The following KCNH7 variants were observed in gnomAD, a reference collection of about 807,000 sequenced individuals.
The protein encoded by KCNH7 is voltage-gated inwardly rectifying potassium channel KCNH7.
A neutral mutation model predicts 120.8 loss-of-function variants in KCNH7; 49 were observed. That is an observed-to-expected ratio of 0.41 (90% CI 0.32 to 0.51). KCNH7 has a LOEUF of 0.51. Ranked by LOEUF, KCNH7 falls within the 20% of genes least tolerant of loss-of-function variation. KCNH7 has a pLI of 0.38. For synonymous variants in KCNH7, 547 were observed against 516.1 expected (o/e 1.06, Z -0.81); for missense variants, 1,097 against 1,446.6 (o/e 0.76, Z 3.92).
chr2:162,817,738 T>G (rs536544434), intron 2 of KCNH7, among the ~76,000 whole-genome samples: 2 of 152,262 alleles, frequency 1.3e-5, no homozygotes, highest in South Asian at 2.1e-4. Context: ...CTCAGTCTTT[T>G]CAATTTTACC....
chr2:162,824,960 T>C (rs1259000724), intron 2 of KCNH7, among the ~76,000 whole-genome samples: 2 of 152,020 alleles, frequency 1.3e-5, no homozygotes, highest in Non-Finnish European at 2.9e-5. Context: ...TTCATTATGG[T>C]ATATTTAGAT....
At chr2:162,568,878 G>A (rs1381100364) in intron 2 of KCNH7, among the ~76,000 whole-genome samples, 1 of 151,750 alleles carries the variant, frequency 6.6e-6, no homozygotes, top group Non-Finnish European at 1.5e-5. Context: ...GTAAAAAATG[G>A]TCATGGTGGA....
intron 7 of KCNH7, among the ~76,000 whole-genome samples, 167 bp from the exon 8 acceptor site, chr2:162,435,764 T>C (rs1365899063): frequency 6.6e-6 from 1 of 152,124 alleles, no homozygotes; most frequent in Non-Finnish European, 1.5e-5. Flanking sequence ...ATGTGATACC[T>C]GCTTTGGAAA....
chr2:162,669,724 G>C (rs1377170884), intron 2 of KCNH7, among the ~76,000 whole-genome samples: 1 of 152,172 alleles, frequency 6.6e-6, no homozygotes, highest in Non-Finnish European at 1.5e-5. Context: ...TAAACATCCT[G>C]TATTGCATAG....
In KCNH7 at chr2:162,819,034, A is replaced by G. The variant is rs115194165; in HGVS notation, c.307+17503T>C. On this transcript the variant is annotated intron_variant, in intron 2 of 15. Transcript: ENST00000332142. ...TACAAAACAATGAACCTGTACCCTT[A>G]AAGAATATCAATGTCATGAAAGACA... Among the ~76,000 whole-genome samples, 1,094 of 152,314 alleles carry G rather than the reference A, an allele frequency of 7.2e-3. 2 individuals are homozygous for G. The highest frequency in any genetic ancestry group is 0.011 in the Non-Finnish European group (773 of 68,006).
intron 2 of KCNH7, among the ~76,000 whole-genome samples, chr2:162,556,916 A>G (rs149293302): frequency 1.1e-3 from 163 of 152,362 alleles, no homozygotes; most frequent in African/African-American, 3.8e-3. Context: ...AATTTTATTA[A>G]TGGATTCACA....
rs1188092881 is a variant in KCNH7, at chr2:162,823,068, G to A, written c.307+13469C>T. 3.3e-5 allele frequency among the ~76,000 whole-genome samples: 5 copies of A among 152,194 alleles called. No individual in the cohort carries two copies. In the East Asian group the frequency reaches 9.6e-4, roughly 29 times the overall value. On this transcript the variant is annotated intron_variant, in intron 2 of 15. Transcript: ENST00000332142. ...ATCTACGTGAACAGGAGATGGGTGA[G>A]GTGGTACAGTAGAGTGCTGAGCACA...
chr2:162,664,614 A>C (rs1186133159), intron 2 of KCNH7, among the ~76,000 whole-genome samples: 1 of 152,150 alleles, frequency 6.6e-6, no homozygotes, highest in Non-Finnish European at 1.5e-5. Context: ...GAGGAAGGAG[A>C]GACAGAGAAA....
At chr2:162,819,788 G>A (rs1685043923) in intron 2 of KCNH7, among the ~76,000 whole-genome samples, 1 of 152,138 alleles carries the variant, frequency 6.6e-6, no homozygotes, top group South Asian at 2.1e-4. Flanking sequence ...AGAGTATAAT[G>A]TGCTATTCTT....
At chr2:162,404,836 A>G (rs1320368883) in intron 9 of KCNH7, among the ~76,000 whole-genome samples, 2 of 152,026 alleles carry the variant, frequency 1.3e-5, no homozygotes, top group Non-Finnish European at 1.5e-5. Flanking sequence ...TAAGCATGGG[A>G]GCATAACAAT....
intron 2 of KCNH7, among the ~76,000 whole-genome samples, chr2:162,733,319 A>G (rs1687791996): frequency 6.6e-6 from 1 of 152,208 alleles, no homozygotes; most frequent in African/African-American, 2.4e-5. Context: ...ATTATTGTTC[A>G]AAATATTTGT....
intron 2 of KCNH7, among the ~76,000 whole-genome samples, chr2:162,580,477 C>G (rs1490557507): frequency 6.6e-6 from 1 of 152,052 alleles, no homozygotes; most frequent in Non-Finnish European, 1.5e-5. Context: ...AGGGACACAG[C>G]ACAAAATTAC....
intron 2 of KCNH7, among the ~76,000 whole-genome samples, chr2:162,544,304 C>A (rs1286099798): frequency 1.3e-5 from 2 of 152,094 alleles, no homozygotes; most frequent in Non-Finnish European, 2.9e-5. Flanking sequence ...ATCTTTATTT[C>A]TGGACTGGGC....
chr2:162,794,384 A>G (rs1456161687), intron 2 of KCNH7, among the ~76,000 whole-genome samples: 1 of 152,024 alleles, frequency 6.6e-6, no homozygotes, highest in South Asian at 2.1e-4. Context: ...CTTGCCTATG[A>G]TCTATAGGTG....
At chr2:162,446,849 G>T (rs1024675238) in intron 6 of KCNH7, among the ~76,000 whole-genome samples, 4 of 152,070 alleles carry the variant, frequency 2.6e-5, no homozygotes, top group Non-Finnish European at 5.9e-5. Flanking sequence ...GTTATGAATA[G>T]AAGCAGTCTA....
intron 9 of KCNH7, among the ~76,000 whole-genome samples, chr2:162,408,149 CTTTCT>C (rs1276217169): frequency 6.6e-6 from 1 of 152,008 alleles, no homozygotes; most frequent in East Asian, 1.9e-4. Context: ...ATCAAATTGG[CTTTCT>C]AAAGTTGCTA....
intron 2 of KCNH7, among the ~76,000 whole-genome samples, chr2:162,770,282 G>A (rs1160021663): frequency 5.3e-5 from 8 of 150,612 alleles, no homozygotes; most frequent in East Asian, 3.9e-4. Context: ...AAAATATAGA[G>A]TTCCTGAACA....
intron 2 of KCNH7, among the ~76,000 whole-genome samples, chr2:162,539,366 C>T (rs1692225984): frequency 6.6e-6 from 1 of 151,942 alleles, no homozygotes; most frequent in South Asian, 2.1e-4. Flanking sequence ...GCTATTTAAG[C>T]AGTTTCAAAT....
chr2:162,428,774 A>G lies in KCNH7; in HGVS notation c.1955-5239T>C, dbSNP rs913411602. ...ATATTTGTCTATTTTATCTTTGGTAATAGTACCTGTCCTGAAGTTAATAAC... is the reference window on the plus strand; with the variant it reads ...ATATTTGTCTATTTTATCTTTGGTAGTAGTACCTGTCCTGAAGTTAATAAC... On this transcript the variant is annotated intron_variant, in intron 8 of 15. Coordinates refer to ENST00000332142, the MANE Select transcript of KCNH7 (RefSeq NM_033272.4). Among the ~76,000 whole-genome samples the G allele has an allele frequency of 5.9e-5, 9 of 151,980 alleles. No individual in the cohort carries two copies. The South Asian group carries it at 1.7e-3, about 28-fold the overall frequency.
Sources: gnomAD v4.1 joint callset for allele counts (sites outside exome capture counted in the v4.1 genomes callset) on GRCh38, gnomAD v4.1.1 for gene constraint, MANE v1.5 for transcripts, NCBI Gene and HGNC (gene_info 2026-07-23, HGNC 2026-07-21) for gene names.